The following RCAN1 variants were observed in gnomAD, a reference collection of about 807,000 sequenced individuals.
The protein encoded by RCAN1 is regulator of calcineurin 1.
A neutral mutation model predicts 22.9 loss-of-function variants in RCAN1; 11 were observed. The ratio of observed to expected loss-of-function variants is 0.48; its 90% CI spans 0.30 to 0.79. RCAN1 has a LOEUF of 0.79. Among genes scored for constraint, RCAN1 ranks in the 30% least tolerant of loss-of-function variants. The pLI, the probability that RCAN1 is intolerant of heterozygous loss-of-function variation, is 0.06. For missense variants in RCAN1, 291 were observed against 337.8 expected (o/e 0.86, Z 1.09); for synonymous variants, 136 against 142.3 (o/e 0.96, Z 0.32).
At chr21:34,568,367 C>T (rs182663149) in intron 1 of RCAN1, among the ~76,000 whole-genome samples, 1 of 152,360 alleles carries the variant, frequency 6.6e-6, no homozygotes, top group East Asian at 1.9e-4. Context: ...ATTAGATGAG[C>T]TGGCAAGAGC....
intron 1 of RCAN1, among the ~76,000 whole-genome samples, chr21:34,575,714 A>G (rs976505094): frequency 2.6e-5 from 4 of 152,132 alleles, no homozygotes; most frequent in African/African-American, 9.7e-5. Context: ...GGCATTTAAC[A>G]TAGGAAGATT....
At chr21:34,521,382 C>T (rs767729662) in intron 3 of RCAN1, 117 bp downstream of exon 3, 3 of 1,566,774 alleles carry the variant, frequency 1.9e-6, no homozygotes, top group Non-Finnish European at 1.7e-6. Flanking sequence ...GAGAAGCTCA[C>T]AAAACATGCC....
At chr21:34,609,666 G>A (rs1470842560) in intron 1 of RCAN1, among the ~76,000 whole-genome samples, 2 of 152,190 alleles carry the variant, frequency 1.3e-5, no homozygotes, top group East Asian at 1.9e-4. Flanking sequence ...GGCTGGAAAA[G>A]CCTGAAGTTG....
intron 1 of RCAN1, among the ~76,000 whole-genome samples, chr21:34,529,658 G>T (rs757099086): frequency 2.0e-5 from 3 of 152,142 alleles, no homozygotes; most frequent in Non-Finnish European, 2.9e-5. Context: ...TATTCCTTGT[G>T]GTTTTGGAGG....
In RCAN1 at chr21:34,518,295, T is replaced by C. The variant is rs1407204222; in HGVS notation, c.587-39A>G. 1.2e-6 allele frequency: 2 copies of C among 1,601,250 alleles called. No individual in the cohort carries two copies. The highest frequency in any genetic ancestry group is 2.7e-5 in the African/African-American group (2 of 74,720). On this transcript the variant is annotated intron_variant, in intron 3 of 3. Transcript: ENST00000313806. The surrounding 1 kb of genome is among the most constrained non-coding windows in gnomAD (Gnocchi z 4.2). ...ATAATCGCAGGGTCACTCAGACAAG[T>C]CCTTGGGAGTCAAAAGGCAAACATA...
Position 34,575,616 on chromosome 21 carries a change from G to A in RCAN1, c.252+39144C>T, listed in dbSNP as rs189974536. 2.9e-4 allele frequency among the ~76,000 whole-genome samples: 44 copies of A among 152,222 alleles called. No homozygotes were observed. The East Asian group carries it at 5.8e-3, about 20-fold the overall frequency. ...TGGCTCACTGCAGCCTCAACCTCCC[G>A]GGCTCAAACAATCTGCCCACCTCAG... On this transcript the variant is annotated intron_variant, in intron 1 of 3. Coordinates refer to ENST00000313806, the MANE Select transcript of RCAN1 (RefSeq NM_004414.7).
At chr21:34,556,904 C>T (rs1986595911) in intron 1 of RCAN1, among the ~76,000 whole-genome samples, 1 of 152,114 alleles carries the variant, frequency 6.6e-6, no homozygotes, top group Non-Finnish European at 1.5e-5. Flanking sequence ...TATGGGGACA[C>T]ATTTATGGTC....
intron 1 of RCAN1, among the ~76,000 whole-genome samples, chr21:34,540,357 G>T (rs1985858219): frequency 6.6e-6 from 1 of 152,160 alleles, no homozygotes; most frequent in South Asian, 2.1e-4. Flanking sequence ...CCTACGTATT[G>T]TTCAAGCACC....
chr21:34,525,118 C>T (rs1371534438), intron 1 of RCAN1: 3 of 1,550,540 alleles, frequency 1.9e-6, no homozygotes, highest in Non-Finnish European at 1.7e-6. Context: ...CGCAGTGTCT[C>T]TGCAGTGGGA....
At chr21:34,572,934 G>C (rs1240960909) in intron 1 of RCAN1, among the ~76,000 whole-genome samples, 1 of 152,064 alleles carries the variant, frequency 6.6e-6, no homozygotes, top group Non-Finnish European at 1.5e-5. Flanking sequence ...GAATAGCAAG[G>C]GGGGAATCTA....
Position 34,517,992 on chromosome 21 carries a change from G to C in RCAN1, c.*92C>G. 6.7e-7 allele frequency: 1 copy of C among 1,494,932 alleles called. No homozygotes were observed. 92.6% of individuals were successfully genotyped at this position (1,494,932 alleles called of 1,614,324 possible). Reference sequence around the variant, plus strand: ...GATTTCTGCCACCCCGATCTCGGCTGCCACCTCCGAAGAAGTCGTGACCAG... The same window carrying C: ...GATTTCTGCCACCCCGATCTCGGCTCCCACCTCCGAAGAAGTCGTGACCAG... On this transcript the variant is annotated 3_prime_UTR_variant, in exon 4 of 4. Coordinates refer to ENST00000313806, the MANE Select transcript of RCAN1 (RefSeq NM_004414.7).
intron 1 of RCAN1, among the ~76,000 whole-genome samples, chr21:34,569,962 G>A (rs1987175672): frequency 6.6e-6 from 1 of 152,244 alleles, no homozygotes; most frequent in Non-Finnish European, 1.5e-5. Context: ...TAGAGGCAAA[G>A]GGGCTGGAGG....
intron 1 of RCAN1, among the ~76,000 whole-genome samples, chr21:34,544,576 T>G (rs1035016314): frequency 3.3e-5 from 5 of 152,208 alleles, no homozygotes; most frequent in African/African-American, 1.2e-4. Context: ...AGATTTGTAG[T>G]AATTTGTCAC....
In RCAN1 at chr21:34,523,448, CAGCATATAACATA is replaced by C. The variant is rs1984752618; in HGVS notation, c.426+76_426+88del. The C allele has an allele frequency of 5.5e-6, 7 of 1,270,230 alleles. No homozygotes were observed. The South Asian group carries it at 1.1e-4, about 19-fold the overall frequency. 78.7% of individuals were successfully genotyped at this position (1,270,230 alleles called of 1,614,324 possible). A position where few individuals can be genotyped will look rare whatever the true frequency, so the allele number is the denominator to read the frequency against. On this transcript the variant is annotated intron_variant, in intron 2 of 3. Coordinates refer to ENST00000313806, the MANE Select transcript of RCAN1 (RefSeq NM_004414.7). ...AAGGTGAAGTCTCAGAGTTTCCGGT[CAGCATATAACATA>C]AGCAACGTATAAGCTGCTTTACAAA...
At chr21:34,563,768 A>ATATATATAT (rs56397854) in intron 1 of RCAN1, among the ~76,000 whole-genome samples, 2 of 88,358 alleles carry the variant, frequency 2.3e-5, no homozygotes, top group East Asian at 3.2e-4. Flanking sequence ...AAAAAAAAAA[A>ATATATATAT]AAATATATAT....
intron 1 of RCAN1, among the ~76,000 whole-genome samples, chr21:34,533,768 C>T (rs1244543588): frequency 6.6e-6 from 1 of 152,190 alleles, no homozygotes; most frequent in Non-Finnish European, 1.5e-5. Flanking sequence ...GAAAGCAAGC[C>T]CGGCCAGGGA....
chr21:34,555,751 A>T (rs1173924695), intron 1 of RCAN1, among the ~76,000 whole-genome samples: 1 of 151,696 alleles, frequency 6.6e-6, no homozygotes, highest in Non-Finnish European at 1.5e-5. Context: ...CCTCCATAAT[A>T]AAAAGGTATT....
chr21:34,580,550 C>T (rs908057397), intron 1 of RCAN1, among the ~76,000 whole-genome samples: 5 of 152,228 alleles, frequency 3.3e-5, no homozygotes, highest in African/African-American at 1.2e-4. Flanking sequence ...GATGCTGCAA[C>T]CCGAAGCAGC....
intron 1 of RCAN1, among the ~76,000 whole-genome samples, chr21:34,551,623 C>A (rs913948379): frequency 7.1e-6 from 1 of 140,134 alleles, no homozygotes; most frequent in Non-Finnish European, 1.5e-5. Context: ...AGTGAACATT[C>A]TTTTTTGATT....
Sources: allele counts gnomAD v4.1 joint callset (sites outside exome capture counted in the v4.1 genomes callset), GRCh38; gene constraint gnomAD v4.1.1; non-coding constraint Gnocchi (gnomAD v3.1); transcripts MANE v1.5; gene names NCBI Gene and HGNC (gene_info 2026-07-23, HGNC 2026-07-21).